ITGA4: variants seen among roughly 807,000 people sequenced by gnomAD.
The protein encoded by ITGA4 is integrin subunit alpha 4, also known as integrin alpha-4.
In ITGA4, 63 loss-of-function variants were observed where a neutral mutation model predicts 133.6. The ratio of observed to expected loss-of-function variants is 0.47; its 90% CI spans 0.38 to 0.58. The LOEUF is 0.58. Ranked by LOEUF, ITGA4 falls within the 20% of genes least tolerant of loss-of-function variation. The probability of loss-of-function intolerance (pLI) is 0.00; values close to 1 mark genes in which losing one functional copy is unlikely to be tolerated. For synonymous variants in ITGA4, 483 were observed against 438.0 expected, an observed-to-expected ratio of 1.10 and a Z score of -1.28; for missense variants, 1,076 against 1,252.7, an observed-to-expected ratio of 0.86 and a Z score of 2.13.
intron 24 of ITGA4, among the ~76,000 whole-genome samples, chr2:181,531,367 C>G (rs928727260): frequency 6.6e-6 from 1 of 152,072 alleles, no homozygotes; most frequent in African/African-American, 2.4e-5. Context: ...TAGCAAGACT[C>G]TGATTAGGAA....
chr2:181,472,366 C>G (rs909516860), intron 2 of ITGA4, among the ~76,000 whole-genome samples: 1 of 152,058 alleles, frequency 6.6e-6, no homozygotes, highest in Non-Finnish European at 1.5e-5. Context: ...GGGTGGCTCT[C>G]TCTAGAATAA....
In ITGA4 at chr2:181,537,613, T is replaced by C. The variant is rs1324246221; in HGVS notation, c.*2086T>C. 2 of 430,600 alleles carry C rather than the reference T, an allele frequency of 4.6e-6. No homozygotes were observed. The highest frequency in any genetic ancestry group is 9.1e-6 in the Non-Finnish European group (2 of 219,130). The allele number at this position is 430,600 out of a possible 1,614,324, so 26.7% of individuals were successfully genotyped here. A position where few individuals can be genotyped will look rare whatever the true frequency, so the allele number is the denominator to read the frequency against. On this transcript the variant is annotated 3_prime_UTR_variant, in exon 28 of 28. Transcript: ENST00000397033. The stretch of plus-strand genomic sequence containing the variant: ...TATTTGTAACAGAATATAGGAAATT[T>C]AACATAATTGATGAGCTCAAATCCT...
intron 2 of ITGA4, among the ~76,000 whole-genome samples, chr2:181,464,188 G>A (rs1052324430): frequency 2.0e-5 from 3 of 152,106 alleles, no homozygotes; most frequent in African/African-American, 7.2e-5. Flanking sequence ...TTTGAGAAGA[G>A]GTGAGTAGTT....
chr2:181,472,651 A>T lies in ITGA4; in HGVS notation c.320-2309A>T, dbSNP rs115699386. Among the ~76,000 whole-genome samples, 418 of 152,302 alleles carry T rather than the reference A, an allele frequency of 2.7e-3. 2 individuals carry two copies. Among genetic ancestry groups the T allele is most frequent in the African/African-American group, 9.6e-3 (400 of 41,566 alleles). On this transcript the variant is annotated intron_variant, in intron 2 of 27. Transcript: ENST00000397033. ...ACAATTGATTTTAGTGAAAACTGAA[A>T]ATTGTATTATAATGAAAATTAAAAT...
chr2:181,534,758 C>T (rs977426280), intron 26 of ITGA4, 58 bp from the exon 27 acceptor site: 116 of 1,408,640 alleles, frequency 8.2e-5, no homozygotes, highest in Middle Eastern at 3.8e-4. Context: ...ATATAAGCAA[C>T]GTTTTAAACT....
In ITGA4 at chr2:181,516,495, G is replaced by T. The variant is rs1260423904; in HGVS notation, c.1922+4720G>T. On this transcript the variant is annotated intron_variant, in intron 17 of 27. Transcript: ENST00000397033. The surrounding 1 kb of genome is among the most constrained non-coding windows in gnomAD (Gnocchi z 4.0). ...ATCAAGCTTCCAAGCAAGAGAAAAG[G>T]GAAAAGAGCAAAAGTGCTTGGTCAT... Among the ~76,000 whole-genome samples, 1 of 151,924 alleles carries T rather than the reference G, an allele frequency of 6.6e-6. No individual in the cohort carries two copies. Among genetic ancestry groups the T allele is most frequent in the Non-Finnish European group, 1.5e-5 (1 of 67,970 alleles).
In ITGA4 at chr2:181,523,333, A is replaced by G; in HGVS notation, c.2074-104A>G. On this transcript the variant is annotated intron_variant, in intron 18 of 27. Transcript: ENST00000397033. This position sits in a 1 kb window ranked among gnomAD's most constrained non-coding sequence, Gnocchi z 4.2. The stretch of plus-strand genomic sequence containing the variant: ...AGAAAATAGTTTTCCTAGAAAAGCA[A>G]ATACTTCTGGGATGATATTCTTTTC... 4.5e-6 allele frequency: 3 copies of G among 667,148 alleles called. No homozygotes were observed. The highest frequency in any genetic ancestry group is 8.0e-6 in the Non-Finnish European group (3 of 376,324). 41.3% of individuals were successfully genotyped at this position (667,148 alleles called of 1,614,324 possible).
chr2:181,467,967 A>G (rs1685460220), intron 2 of ITGA4, among the ~76,000 whole-genome samples: 1 of 152,244 alleles, frequency 6.6e-6, no homozygotes, highest in African/African-American at 2.4e-5. Context: ...GATATGCCAC[A>G]TATATTTTAT....
intron 5 of ITGA4, 93 bp downstream of exon 5, chr2:181,478,917 A>G: frequency 1.7e-6 from 1 of 576,144 alleles, no homozygotes; most frequent in Non-Finnish European, 2.8e-6. Context: ...TAAAGTAAAA[A>G]TTGTGTAACA....
In ITGA4 at chr2:181,485,883, A is replaced by G; in HGVS notation, c.1044A>G (p.Gly348=). Residue 348 remains glycine, a splice_region_variant and synonymous_variant, in exon 10 of 28, where the codon GGA becomes GGG. Coordinates refer to ENST00000397033, the MANE Select transcript of ITGA4 (RefSeq NM_000885.6). ...RVFVYINSGS[G]AVMNAMETNL... is the part of the protein sequence containing the mutation. ...GTTTTCTCTCCCTTTCTATCTAGGG[A>G]GCAGTAATGAATGCAATGGAAACAA... 3 of 1,600,576 alleles carry G rather than the reference A, an allele frequency of 1.9e-6. No individual in the cohort carries two copies. Among genetic ancestry groups the G allele is most frequent in the Non-Finnish European group, 1.7e-6 (2 of 1,174,894 alleles).
chr2:181,494,927 T>C, intron 12 of ITGA4, 115 bp downstream of exon 12: 1 of 630,390 alleles, frequency 1.6e-6, no homozygotes, highest in East Asian at 2.7e-5. Context: ...GATAATTTTT[T>C]TTCTTCATTT....
chr2:181,531,612 C>T, intron 24 of ITGA4, 45 bp from the exon 25 acceptor site: 3 of 1,156,846 alleles, frequency 2.6e-6, no homozygotes, highest in Non-Finnish European at 3.6e-6. Flanking sequence ...AAAATATTTT[C>T]CAATGTTGAA....
At chr2:181,486,507 T>G (rs1685921759) in intron 10 of ITGA4, among the ~76,000 whole-genome samples, 1 of 152,136 alleles carries the variant, frequency 6.6e-6, no homozygotes, top group Non-Finnish European at 1.5e-5. Context: ...TTGTGGAGGA[T>G]CTGGGGAATT....
Position 181,480,247 on chromosome 2 carries a change from A to G in ITGA4, c.735A>G (p.Val245=). 1 of 1,462,082 alleles carries G rather than the reference A, an allele frequency of 6.8e-7. No individual in the cohort carries two copies. The highest frequency in any genetic ancestry group is 9.2e-7 in the Non-Finnish European group (1 of 1,089,888). The allele number at this position is 1,462,082 out of a possible 1,614,324, so 90.6% of individuals were successfully genotyped here. ...YKAFLDKQNQ[V]KFGSYLGYSV... Reference sequence around the variant, plus strand: ...CTTTTTTAGACAAACAAAATCAAGTAAAATTTGGAAGTTATTTAGGTACTA... The same window carrying G: ...CTTTTTTAGACAAACAAAATCAAGTGAAATTTGGAAGTTATTTAGGTACTA... Residue 245 remains valine (V), a synonymous_variant, in exon 6 of 28, where the codon GTA becomes GTG. Coordinates refer to ENST00000397033, the MANE Select transcript of ITGA4 (RefSeq NM_000885.6).
intron 15 of ITGA4, among the ~76,000 whole-genome samples, chr2:181,503,179 C>T (rs1471048418): frequency 6.6e-6 from 1 of 152,068 alleles, no homozygotes; most frequent in Non-Finnish European, 1.5e-5. Context: ...GCTGACAATA[C>T]TTTGATTACC....
intron 2 of ITGA4, among the ~76,000 whole-genome samples, chr2:181,462,837 C>T (rs563544190): frequency 8.1e-4 from 123 of 152,226 alleles, no homozygotes; most frequent in African/African-American, 2.8e-3. Flanking sequence ...AAATATATCC[C>T]CTTGGCAACA....
At chr2:181,469,887 G>C (rs891882682) in intron 2 of ITGA4, among the ~76,000 whole-genome samples, 2 of 152,004 alleles carry the variant, frequency 1.3e-5, no homozygotes, top group African/African-American at 4.8e-5. Flanking sequence ...GACACAGGAA[G>C]GGGAACATCA....
intron 10 of ITGA4, among the ~76,000 whole-genome samples, chr2:181,492,699 TAAAATC>T (rs1418588878): frequency 6.6e-6 from 1 of 152,190 alleles, no homozygotes. Context: ...AGAAAGGTGA[TAAAATC>T]ATTATTTTAC....
rs1374146373 is a variant in ITGA4, at chr2:181,458,149, G to C, written c.198-47G>C. The C allele has an allele frequency of 2.5e-6, 4 of 1,612,326 alleles. No individual in the cohort carries two copies. The Admixed American group carries it at 6.7e-5, about 27-fold the overall frequency. On this transcript the variant is annotated intron_variant, in intron 1 of 27. Transcript: ENST00000397033. The stretch of plus-strand genomic sequence containing the variant: ...ATCTGTGGCGACAGGGAGCTCAGTG[G>C]GCAGCACAGCTCACGTCTGAGCGCA...
Sources: gnomAD v4.1 joint callset for allele counts (sites outside exome capture counted in the v4.1 genomes callset) on GRCh38, gnomAD v4.1.1 for gene constraint, Gnocchi (gnomAD v3.1) non-coding constraint, MANE v1.5 for transcripts, NCBI Gene and HGNC (gene_info 2026-07-23, HGNC 2026-07-21) for gene names.